The following TPO variants were observed in gnomAD, a reference collection of about 807,000 sequenced individuals.
The protein encoded by TPO is thyroid peroxidase.
TPO carries 78 observed loss-of-function variants against 96.9 expected under a neutral mutation model. That is an observed-to-expected ratio of 0.81 (90% CI 0.67 to 0.97). The LOEUF (loss-of-function observed/expected upper bound fraction) is 0.97. Among genes scored for constraint, TPO ranks in the 50% least tolerant of loss-of-function variants. TPO has a pLI of 0.00. For missense variants in TPO, 1,252 were observed against 1,274.8 expected, an observed-to-expected ratio of 0.98 and a Z score of 0.27; for synonymous variants, 547 against 538.0, an observed-to-expected ratio of 1.02 and a Z score of -0.23.
chr2:1,374,845 A>G (rs1436795615), intron 1 of TPO, among the ~76,000 whole-genome samples: 2 of 150,444 alleles, frequency 1.3e-5, no homozygotes, highest in Non-Finnish European at 3.0e-5. Context: ...TCCTGCCTCA[A>G]CCTCCCAAGT....
rs760368611 is a variant in TPO at position 1,495,972 on chromosome 2, T to C, written c.2007-17T>C. Reference sequence around the variant, plus strand: ...CTCCATGCACTGTGACCTTACTCACTGTCTCCTTCTCTGGAGGTTTTGGTG... The same window carrying C: ...CTCCATGCACTGTGACCTTACTCACCGTCTCCTTCTCTGGAGGTTTTGGTG... On this transcript the variant is annotated splice_polypyrimidine_tract_variant and intron_variant, in intron 11 of 16. Coordinates refer to ENST00000329066, the MANE Select transcript of TPO (RefSeq NM_001206744.2). 13 of 1,609,030 alleles carry C rather than the reference T, an allele frequency of 8.1e-6. No homozygotes were observed. Among genetic ancestry groups the C allele is most frequent in the South Asian group, 4.4e-5 (4 of 90,440 alleles).
rs780053437 is a variant in TPO, at chr2:1,456,189, G to GT, written c.728dup (p.Thr244HisfsTer15). On this transcript the variant is annotated frameshift_variant, in exon 7 of 17. Transcript: ENST00000329066. LOFTEE classifies it high-confidence loss of function. ...GACAATACATCGACCACGACATCGC[G>GT]TTCACACCACAGAGCACCAGCAAAG... 6.2e-7 allele frequency: 1 copy of GT among 1,614,076 alleles called. No individual in the cohort carries two copies. Among genetic ancestry groups the GT allele is most frequent in the Non-Finnish European group, 8.5e-7 (1 of 1,180,042 alleles).
chr2:1,445,599 A>T (rs1666716262), intron 5 of TPO, among the ~76,000 whole-genome samples: 1 of 141,044 alleles, frequency 7.1e-6, no homozygotes, highest in Non-Finnish European at 1.5e-5. Flanking sequence ...TGATCCAGTC[A>T]TTGCTGCAGG....
At chr2:1,503,463 C>T (rs887598028) in intron 13 of TPO, among the ~76,000 whole-genome samples, 4 of 152,214 alleles carry the variant, frequency 2.6e-5, no homozygotes, top group Non-Finnish European at 5.9e-5. Flanking sequence ...TTGTAGGATT[C>T]TTGTGCAGGG....
chr2:1,418,857 G>T (rs1474730787), intron 2 of TPO, among the ~76,000 whole-genome samples: 2 of 152,224 alleles, frequency 1.3e-5, no homozygotes, highest in African/African-American at 4.8e-5. Flanking sequence ...CCTTATTCCA[G>T]TTCATTAAAT....
chr2:1,530,843 C>A (rs1445933594), intron 15 of TPO, among the ~76,000 whole-genome samples: 1 of 136,670 alleles, frequency 7.3e-6, no homozygotes, highest in Admixed American at 7.4e-5. Flanking sequence ...CTGCGTGCAA[C>A]CTCCCCAAAT....
In TPO at chr2:1,436,282, T is replaced by C. The variant is rs901131179; in HGVS notation, c.380T>C (p.Ile127Thr). The C allele has an allele frequency of 2.5e-6, 4 of 1,614,106 alleles. No individual in the cohort carries two copies. The highest frequency in any genetic ancestry group is 2.7e-5 in the African/African-American group (2 of 74,936). Reference protein sequence around the residue: ...DALSEDLLSIIANMSGCLPYM... With the variant: ...DALSEDLLSITANMSGCLPYM... ...TTATCAGAAGATCTGCTGAGCATCATTGCAAACATGTCTGGATGTCTCCCT... is the reference window on the plus strand; with the variant it reads ...TTATCAGAAGATCTGCTGAGCATCACTGCAAACATGTCTGGATGTCTCCCT... The change falls in exon 5 of 17, where the codon ATT (isoleucine) becomes ACT (threonine). Residue 127 changes from isoleucine to threonine, a missense_variant. Coordinates refer to ENST00000329066, the MANE Select transcript of TPO (RefSeq NM_001206744.2).
intron 14 of TPO, among the ~76,000 whole-genome samples, chr2:1,508,352 T>C (rs1488596880): frequency 6.6e-6 from 1 of 152,162 alleles, no homozygotes; most frequent in Non-Finnish European, 1.5e-5. Flanking sequence ...TTCTCTTTTT[T>C]GGTTGTGTCT....
chr2:1,452,246 AATT>A (rs1241441623), intron 5 of TPO, among the ~76,000 whole-genome samples: 6 of 152,220 alleles, frequency 3.9e-5, no homozygotes, highest in Non-Finnish European at 7.3e-5. Flanking sequence ...AGATGTTGGT[AATT>A]ATTATGCATA....
intron 5 of TPO, among the ~76,000 whole-genome samples, chr2:1,438,631 G>A (rs546528463): frequency 7.5e-6 from 1 of 132,478 alleles, no homozygotes; most frequent in Admixed American, 9.0e-5. Flanking sequence ...GATGAATTCA[G>A]CCATGTGCAA....
chr2:1,478,392 G>C (rs1038575807), intron 8 of TPO: 2 of 985,134 alleles, frequency 2.0e-6, no homozygotes, highest in East Asian at 2.3e-4. Context: ...AGTCCTAGCC[G>C]GGAGCCTGCA....
intron 2 of TPO, 116 bp from the exon 3 acceptor site, chr2:1,422,929 T>G: frequency 8.9e-7 from 1 of 1,122,654 alleles, no homozygotes; most frequent in Non-Finnish European, 1.3e-6. Flanking sequence ...TGCCTGCCTG[T>G]CCCGGAAGCC....
At chr2:1,383,898 T>C (rs1452299026) in intron 1 of TPO, among the ~76,000 whole-genome samples, 5 of 152,174 alleles carry the variant, frequency 3.3e-5, no homozygotes, top group Non-Finnish European at 7.3e-5. Flanking sequence ...TTTTGTATAA[T>C]GTGTAAGGAA....
chr2:1,534,022 C>T (rs1429873709), intron 15 of TPO, among the ~76,000 whole-genome samples: 1 of 101,156 alleles, frequency 9.9e-6, no homozygotes, highest in Admixed American at 1.2e-4. Flanking sequence ...AAATCCCCCC[C>T]AATCTGTGCA....
chr2:1,451,030 A>G (rs1265071171), intron 5 of TPO, among the ~76,000 whole-genome samples: 1 of 152,214 alleles, frequency 6.6e-6, no homozygotes, highest in Non-Finnish European at 1.5e-5. Flanking sequence ...TGGTCCCTGC[A>G]GACATAGAGA....
intron 5 of TPO, among the ~76,000 whole-genome samples, chr2:1,436,681 C>T (rs1457697664): frequency 1.3e-5 from 2 of 152,208 alleles, no homozygotes; most frequent in African/African-American, 4.8e-5. Context: ...GCTCAAGCCA[C>T]GTGCTTAGGC....
At chr2:1,446,988 GTGTGTGTGTGTA>G (rs1666886867) in intron 5 of TPO, among the ~76,000 whole-genome samples, 2 of 151,786 alleles carry the variant, frequency 1.3e-5, no homozygotes, top group African/African-American at 4.8e-5. Context: ...CATGAGGGGT[GTGTGTGTGTGTA>G]TGTGTGTGTG....
At chr2:1,406,476 T>C (rs1662252396) in intron 1 of TPO, among the ~76,000 whole-genome samples, 2 of 152,266 alleles carry the variant, frequency 1.3e-5, no homozygotes, top group South Asian at 2.1e-4. Context: ...CCTTCTCTGC[T>C]TCCAGACATG....
chr2:1,376,800 G>C (rs907763623), intron 1 of TPO, among the ~76,000 whole-genome samples: 1 of 152,146 alleles, frequency 6.6e-6, no homozygotes. Context: ...TAAAACAACA[G>C]AATGATGTTG....
Sources: allele counts gnomAD v4.1 joint callset (sites outside exome capture counted in the v4.1 genomes callset), GRCh38; gene constraint gnomAD v4.1.1; transcripts MANE v1.5; gene names NCBI Gene and HGNC (gene_info 2026-07-23, HGNC 2026-07-21).